Variants in PTPRN2 observed in about 807,000 individuals in gnomAD.
The protein encoded by PTPRN2 is protein tyrosine phosphatase receptor type N2.
In PTPRN2, 74 loss-of-function variants were observed where a neutral mutation model predicts 118.8. That is an observed-to-expected ratio of 0.62 (90% CI 0.52 to 0.76). The LOEUF is 0.76. Ranked by LOEUF, PTPRN2 falls within the 30% of genes least tolerant of loss-of-function variation. PTPRN2 has a pLI of 0.00. For synonymous variants in PTPRN2, 641 were observed against 608.0 expected (o/e 1.05, Z -0.80); for missense variants, 1,481 against 1,394.4 (o/e 1.06, Z -0.99).
chr7:158,333,816 G>T (rs1462532157), intron 2 of PTPRN2, among the ~76,000 whole-genome samples: 1 of 131,284 alleles, frequency 7.6e-6, no homozygotes, highest in African/African-American at 2.9e-5. Context: ...GGCCCACAGA[G>T]GTCACTCACA....
chr7:158,523,048 C>G (rs989010926), intron 1 of PTPRN2, among the ~76,000 whole-genome samples: 10 of 152,202 alleles, frequency 6.6e-5, no homozygotes, highest in African/African-American at 1.9e-4. Flanking sequence ...TTGTCAGCAT[C>G]ACCGTGGCTG....
rs1204613262 is a variant in PTPRN2, at chr7:157,674,085, G to C, written c.2001+8640C>G. 2.0e-5 allele frequency among the ~76,000 whole-genome samples: 3 copies of C among 152,198 alleles called. No individual in the cohort carries two copies. Among genetic ancestry groups the C allele is most frequent in the African/African-American group, 7.2e-5 (3 of 41,446 alleles). On this transcript the variant is annotated intron_variant, in intron 13 of 22. Transcript: ENST00000389418. This position sits in a 1 kb window ranked among gnomAD's most constrained non-coding sequence, Gnocchi z 4.5. ...CCAGACCCAAGGTGTCCAATCCTTAGGGGTGACCCTCGGGCCAACACCAAT... is the reference window on the plus strand; with the variant it reads ...CCAGACCCAAGGTGTCCAATCCTTACGGGTGACCCTCGGGCCAACACCAAT...
intron 1 of PTPRN2, among the ~76,000 whole-genome samples, chr7:158,504,056 A>G (rs1822570384): frequency 6.6e-6 from 1 of 152,210 alleles, no homozygotes; most frequent in Non-Finnish European, 1.5e-5. Context: ...AATTAAGAAA[A>G]TGCAGAAAAT....
chr7:158,146,027 G>C (rs528869031), intron 6 of PTPRN2, among the ~76,000 whole-genome samples: 1 of 151,684 alleles, frequency 6.6e-6, no homozygotes, highest in East Asian at 1.9e-4. Context: ...ATGAAACAAG[G>C]AGAGGATGAG....
intron 14 of PTPRN2, 33 bp from the exon 15 acceptor site, chr7:157,621,542 T>TA (rs1434205250): frequency 1.2e-6 from 2 of 1,607,318 alleles, no homozygotes. Flanking sequence ...GGAGCGCACC[T>TA]AGGTGGTGAG....
intron 10 of PTPRN2, among the ~76,000 whole-genome samples, chr7:158,101,136 T>C (rs181785598): frequency 3.3e-5 from 5 of 152,270 alleles, no homozygotes; most frequent in African/African-American, 7.2e-5. Flanking sequence ...TATAAGGCTA[T>C]AGTCACCAAA....
At chr7:157,924,176 G>T (rs1367140227) in intron 11 of PTPRN2, among the ~76,000 whole-genome samples, 3 of 152,212 alleles carry the variant, frequency 2.0e-5, no homozygotes, top group African/African-American at 7.2e-5. Flanking sequence ...ACAGGATGAG[G>T]GGGCGCGGCC....
intron 19 of PTPRN2, among the ~76,000 whole-genome samples, chr7:157,574,139 G>C (rs998991356): frequency 6.6e-6 from 1 of 152,152 alleles, no homozygotes; most frequent in Non-Finnish European, 1.5e-5. Context: ...GTGAGCAAAA[G>C]GTCTCCAACA....
At chr7:158,168,868 C>T (rs1381657818) in intron 5 of PTPRN2, among the ~76,000 whole-genome samples, 1 of 152,150 alleles carries the variant, frequency 6.6e-6, no homozygotes, top group Non-Finnish European at 1.5e-5. Flanking sequence ...CACATTGTAC[C>T]TCTGACTTGG....
intron 11 of PTPRN2, among the ~76,000 whole-genome samples, chr7:157,982,932 C>T (rs761304682): frequency 7.4e-6 from 1 of 134,892 alleles, no homozygotes; most frequent in African/African-American, 2.8e-5. Context: ...AGGTTCCCCC[C>T]AAACCCCGAG....
chr7:157,854,394 TC>T (rs1435063446), intron 12 of PTPRN2: 1 of 152,384 alleles, frequency 6.6e-6, no homozygotes, highest in Non-Finnish European at 1.5e-5. Flanking sequence ...TCCACGTGGC[TC>T]CTCATGGGGC....
chr7:158,541,280 C>T (rs1224533296), intron 1 of PTPRN2: 1 of 416,858 alleles, frequency 2.4e-6, no homozygotes, highest in Non-Finnish European at 4.1e-6. Flanking sequence ...TCAGCACGTG[C>T]TTGGAACTGT....
chr7:158,110,531 C>T (rs1044864418), intron 10 of PTPRN2, among the ~76,000 whole-genome samples: 23 of 152,238 alleles, frequency 1.5e-4, no homozygotes, highest in African/African-American at 5.5e-4. Context: ...GAGGCTCCCA[C>T]ACATTGGCAT....
At chr7:158,388,301 G>A (rs1301315162) in intron 2 of PTPRN2, among the ~76,000 whole-genome samples, 1 of 152,144 alleles carries the variant, frequency 6.6e-6, no homozygotes, top group African/African-American at 2.4e-5. Flanking sequence ...CACAGCTTCT[G>A]GGCTCGGTCC....
intron 3 of PTPRN2, among the ~76,000 whole-genome samples, chr7:158,213,206 TTGTGTGTGTGTGTGTG>T (rs57665784): frequency 2.7e-4 from 38 of 140,428 alleles, no homozygotes; most frequent in East Asian, 6.3e-4. Context: ...GGCTCTGTGC[TTGTGTGTGTGTGTGTG>T]TGTGTGTGTG....
chr7:157,799,252 C>T (rs1391088228), intron 12 of PTPRN2, among the ~76,000 whole-genome samples: 1 of 152,086 alleles, frequency 6.6e-6, no homozygotes, highest in Non-Finnish European at 1.5e-5. Context: ...GGCAACGGGC[C>T]CTCCCTGCAC....
chr7:157,912,201 T>C (rs1798142513), intron 11 of PTPRN2, among the ~76,000 whole-genome samples: 1 of 152,246 alleles, frequency 6.6e-6, no homozygotes, highest in South Asian at 2.1e-4. Flanking sequence ...GTTTAAGCTT[T>C]AAACACTTTG....
intron 12 of PTPRN2, among the ~76,000 whole-genome samples, chr7:157,709,727 C>T (rs963808415): frequency 1.9e-4 from 29 of 152,348 alleles, no homozygotes; most frequent in East Asian, 5.8e-4. Flanking sequence ...TTCAGCCCGG[C>T]GTGCCTGGGC....
chr7:157,589,098 T>C (rs1206116761), intron 17 of PTPRN2, among the ~76,000 whole-genome samples: 1 of 152,196 alleles, frequency 6.6e-6, no homozygotes, highest in Non-Finnish European at 1.5e-5. Flanking sequence ...CCTGTCACCA[T>C]CAAGCCCCTC....
Sources: gnomAD v4.1 joint callset for allele counts (sites outside exome capture counted in the v4.1 genomes callset) on GRCh38, gnomAD v4.1.1 for gene constraint, Gnocchi (gnomAD v3.1) non-coding constraint, MANE v1.5 for transcripts, NCBI Gene and HGNC (gene_info 2026-07-23, HGNC 2026-07-21) for gene names.